The following SLC24A2 variants were observed in gnomAD, a reference collection of about 807,000 sequenced individuals.
SLC24A2 encodes sodium/potassium/calcium exchanger 2.
SLC24A2 carries 36 observed loss-of-function variants against 62.0 expected under a neutral mutation model. That is an observed-to-expected ratio of 0.58 (90% CI 0.44 to 0.77). SLC24A2 has a LOEUF of 0.77. Ranked by LOEUF, SLC24A2 falls within the 30% of genes least tolerant of loss-of-function variation. The probability of loss-of-function intolerance (pLI) is 0.00; values close to 1 mark genes in which losing one functional copy is unlikely to be tolerated. For missense variants in SLC24A2, 846 were observed against 817.9 expected, an observed-to-expected ratio of 1.03 and a Z score of -0.42; for synonymous variants, 358 against 294.0, an observed-to-expected ratio of 1.22 and a Z score of -2.23.
At chr9:19,535,753 TAGCCTAGTTTGG>T (rs757520424) in intron 8 of SLC24A2, among the ~76,000 whole-genome samples, 99 of 152,334 alleles carry the variant, frequency 6.5e-4, no homozygotes, top group Non-Finnish European at 1.1e-3. Context: ...TTGGTTACGG[TAGCCTAGTTTGG>T]AGTCAGGTAG....
chr9:19,585,955 T>C (rs1444271168), intron 5 of SLC24A2, among the ~76,000 whole-genome samples: 1 of 152,226 alleles, frequency 6.6e-6, no homozygotes, highest in African/African-American at 2.4e-5. Context: ...ACCTTATCGT[T>C]AGAAATATGA....
intron 2 of SLC24A2, among the ~76,000 whole-genome samples, chr9:19,767,950 C>T (rs1273121722): frequency 7.2e-5 from 11 of 152,172 alleles, no homozygotes; most frequent in Admixed American, 7.2e-4. Flanking sequence ...GGACTGTCTG[C>T]AGAGTCCTGA....
the SLC24A2 span, among the ~76,000 whole-genome samples, chr9:20,041,282 T>C: frequency 1.3e-5 from 2 of 152,278 alleles, no homozygotes; most frequent in East Asian, 1.9e-4. Flanking sequence ...GTGTAATCTA[T>C]GCACATGCAA....
intron 2 of SLC24A2, among the ~76,000 whole-genome samples, chr9:19,742,398 G>A (rs939779290): frequency 6.6e-6 from 1 of 152,108 alleles, no homozygotes; most frequent in African/African-American, 2.4e-5. Flanking sequence ...CCTTTCAGAA[G>A]GTGTGAAGAC....
the SLC24A2 span, among the ~76,000 whole-genome samples, chr9:20,303,821 T>A: frequency 1.3e-5 from 2 of 152,214 alleles, no homozygotes; most frequent in African/African-American, 4.8e-5. Flanking sequence ...AAAACCTCAC[T>A]GTGTTCCTAG....
the SLC24A2 span, among the ~76,000 whole-genome samples, chr9:20,285,086 G>C: frequency 1.3e-5 from 2 of 152,182 alleles, no homozygotes; most frequent in East Asian, 3.8e-4. Flanking sequence ...AGAGCTAGCA[G>C]GGTGGGCAGG....
At chr9:19,594,603 A>G (rs1212832128) in intron 5 of SLC24A2, among the ~76,000 whole-genome samples, 1 of 152,196 alleles carries the variant, frequency 6.6e-6, no homozygotes, top group African/African-American at 2.4e-5. Flanking sequence ...CACATGGACA[A>G]TCACAACAAA....
At chr9:20,173,140 T>C in the SLC24A2 span, among the ~76,000 whole-genome samples, 8 of 152,056 alleles carry the variant, frequency 5.3e-5, no homozygotes, top group African/African-American at 1.9e-4. Context: ...CAACCCTTTA[T>C]GATTAAAACT....
chr9:19,850,975 A>T, the SLC24A2 span, among the ~76,000 whole-genome samples: 5 of 46,754 alleles, frequency 1.1e-4, no homozygotes, highest in Admixed American at 4.7e-4. Flanking sequence ...ATGTATATAT[A>T]TATATATATG....
chr9:20,273,938 C>G, the SLC24A2 span, among the ~76,000 whole-genome samples: 4 of 152,126 alleles, frequency 2.6e-5, no homozygotes, highest in African/African-American at 9.7e-5. Flanking sequence ...AGGCTTTTCT[C>G]TTGTTAATCT....
the SLC24A2 span, among the ~76,000 whole-genome samples, chr9:20,210,290 A>T: frequency 6.6e-6 from 1 of 152,244 alleles, no homozygotes; most frequent in Non-Finnish European, 1.5e-5. Context: ...CTAACATCAC[A>T]TACATTTAAA....
intron 2 of SLC24A2, among the ~76,000 whole-genome samples, chr9:19,699,318 A>G (rs1247610397): frequency 2.6e-5 from 4 of 152,138 alleles, no homozygotes; most frequent in Non-Finnish European, 4.4e-5. Context: ...CTACCTATCC[A>G]TCTTGCAAAA....
chr9:20,300,443 C>T, the SLC24A2 span, among the ~76,000 whole-genome samples: 1 of 152,204 alleles, frequency 6.6e-6, no homozygotes, highest in Non-Finnish European at 1.5e-5. Flanking sequence ...GAAACTACCT[C>T]TAACAGTGCC....
At chr9:20,028,948 G>A in the SLC24A2 span, among the ~76,000 whole-genome samples, 1 of 152,150 alleles carries the variant, frequency 6.6e-6, no homozygotes, top group Non-Finnish European at 1.5e-5. Context: ...TTGTCCAGCC[G>A]TTTCTGTTTC....
At chr9:20,060,098 G>C in the SLC24A2 span, among the ~76,000 whole-genome samples, 1 of 151,954 alleles carries the variant, frequency 6.6e-6, no homozygotes, top group South Asian at 2.1e-4. Context: ...ATTAAAATTT[G>C]CTCTTGAAGA....
chr9:20,019,306 AGAAAG>A, the SLC24A2 span, among the ~76,000 whole-genome samples: 629 of 148,248 alleles, frequency 4.2e-3, 7 homozygotes, highest in African/African-American at 0.016. Context: ...AAAGAAAGAA[AGAAAG>A]AAAGTGAGTG....
In SLC24A2 at chr9:19,748,978, C is replaced by G. The variant is rs954796756; in HGVS notation, c.930+36959G>C. ...TGTGTAAGTTCCTTCTCTCTAGAGA[C>G]CTTGAAGTACAGGATAAGACACATT... On this transcript the variant is annotated intron_variant, in intron 2 of 10. Coordinates refer to ENST00000341998, the MANE Select transcript of SLC24A2 (RefSeq NM_020344.4). 4.2e-4 allele frequency among the ~76,000 whole-genome samples: 63 copies of G among 151,434 alleles called. 1 individual carries two copies. The highest frequency in any genetic ancestry group is 1.5e-3 in the African/African-American group (62 of 41,198).
the SLC24A2 span, among the ~76,000 whole-genome samples, chr9:20,300,597 A>C: frequency 7.8e-4 from 119 of 152,316 alleles, no homozygotes; most frequent in African/African-American, 2.6e-3. Flanking sequence ...GTTGGCCCAT[A>C]GATTTGACAG....
the SLC24A2 span, among the ~76,000 whole-genome samples, chr9:20,028,362 G>A: frequency 6.6e-6 from 1 of 152,194 alleles, no homozygotes; most frequent in Non-Finnish European, 1.5e-5. Context: ...CTGCATAAGA[G>A]GGGTTCAATA....
Sources: gnomAD v4.1 joint callset for allele counts (sites outside exome capture counted in the v4.1 genomes callset) on GRCh38, gnomAD v4.1.1 for gene constraint, MANE v1.5 for transcripts, NCBI Gene and HGNC (gene_info 2026-07-23, HGNC 2026-07-21) for gene names.